Variants in SLC41A2 observed in about 807,000 individuals in gnomAD.
The protein encoded by SLC41A2 is SLC41A1-like 1.
In SLC41A2, 32 loss-of-function variants were observed where a neutral mutation model predicts 58.3. That is an observed-to-expected ratio of 0.55 (90% CI 0.41 to 0.74). The LOEUF (loss-of-function observed/expected upper bound fraction) is 0.74. Among genes scored for constraint, SLC41A2 ranks in the 30% least tolerant of loss-of-function variants. The pLI, the probability that SLC41A2 is intolerant of heterozygous loss-of-function variation, is 0.00. For synonymous variants in SLC41A2, 190 were observed against 235.0 expected, an observed-to-expected ratio of 0.81 and a Z score of 1.75; for missense variants, 514 against 680.6, an observed-to-expected ratio of 0.76 and a Z score of 2.72.
At chr12:104,883,112 G>A (rs576301324) in intron 6 of SLC41A2, among the ~76,000 whole-genome samples, 6 of 151,978 alleles carry the variant, frequency 3.9e-5, no homozygotes, top group East Asian at 1.9e-4. Context: ...TGATCAAATC[G>A]GCTACTGAAG....
At chr12:104,923,204 C>CAAAAAAAA (rs1267157553) in intron 2 of SLC41A2, among the ~76,000 whole-genome samples, 66 of 107,980 alleles carry the variant, frequency 6.1e-4, no homozygotes, top group Non-Finnish European at 9.5e-4. Context: ...CTACTAAAAG[C>CAAAAAAAA]ACAAAAAATT....
intron 3 of SLC41A2, among the ~76,000 whole-genome samples, chr12:104,897,144 C>CTTTTTTTTTTTT (rs71440558): frequency 8.3e-6 from 1 of 120,288 alleles, no homozygotes. Context: ...TTTCTTTTTT[C>CTTTTTTTTTTTT]TTTTTTTTTT....
intron 6 of SLC41A2, among the ~76,000 whole-genome samples, chr12:104,885,437 T>C (rs1032738066): frequency 1.3e-5 from 2 of 152,178 alleles, no homozygotes; most frequent in South Asian, 2.1e-4. Context: ...AAACGAAACA[T>C]GCTTTAGATT....
chr12:104,845,994 A>G lies in SLC41A2; in HGVS notation c.1256-20T>C. 6.2e-7 allele frequency: 1 copy of G among 1,608,450 alleles called. No homozygotes were observed. The highest frequency in any genetic ancestry group is 8.5e-7 in the Non-Finnish European group (1 of 1,176,874). On this transcript the variant is annotated intron_variant, in intron 8 of 10. Transcript: ENST00000258538. ...CAATACCTGAAACACAAGGAAAAACAAAGTAGCAATCCTCATATTTTAAAC... is the reference window on the plus strand; with the variant it reads ...CAATACCTGAAACACAAGGAAAAACGAAGTAGCAATCCTCATATTTTAAAC...
intron 10 of SLC41A2, among the ~76,000 whole-genome samples, chr12:104,807,759 TCTC>T: frequency 6.6e-6 from 1 of 152,340 alleles, no homozygotes; most frequent in Middle Eastern, 3.4e-3. Flanking sequence ...GGCTTGTAGT[TCTC>T]CTTGAAGAGG....
At chr12:104,913,314 T>C (rs968537168) in intron 2 of SLC41A2, among the ~76,000 whole-genome samples, 5 of 152,212 alleles carry the variant, frequency 3.3e-5, no homozygotes, top group Admixed American at 1.3e-4. Context: ...CACCCCATTA[T>C]ACCCCTTTAC....
chr12:104,951,632 T>C (rs2047960393), intron 1 of SLC41A2: 2 of 152,084 alleles, frequency 1.3e-5, no homozygotes, highest in Admixed American at 6.5e-5. Context: ...GGCAACAAAC[T>C]GACATCATTA....
chr12:104,845,964 A>G lies in SLC41A2; in HGVS notation c.1266T>C (p.Gly422=), dbSNP rs1367724808. Residue 422 remains glycine (G), a synonymous_variant, in exon 9 of 11, where the codon GGT becomes GGC. Coordinates refer to ENST00000258538, the MANE Select transcript of SLC41A2 (RefSeq NM_001352171.3). The part of the protein sequence containing the change: ...VYTPVINGIG[G]NLVAIQASRI... ...TGCTAGCCTGAATGGCCACCAAATTACCACCAATACCTGAAACACAAGGAA... is the reference window on the plus strand; with the variant it reads ...TGCTAGCCTGAATGGCCACCAAATTGCCACCAATACCTGAAACACAAGGAA... 4 of 1,612,922 alleles carry G rather than the reference A, an allele frequency of 2.5e-6. No individual in the cohort carries two copies. Among genetic ancestry groups the G allele is most frequent in the Non-Finnish European group, 8.5e-7 (1 of 1,179,386 alleles).
At chr12:104,876,940 A>G (rs1189380812) in intron 6 of SLC41A2, among the ~76,000 whole-genome samples, 3 of 152,156 alleles carry the variant, frequency 2.0e-5, no homozygotes, top group Non-Finnish European at 4.4e-5. Flanking sequence ...TTAACAATTG[A>G]TCATATATAT....
At chr12:104,877,825 C>A (rs1007616827) in intron 6 of SLC41A2, among the ~76,000 whole-genome samples, 6 of 151,936 alleles carry the variant, frequency 3.9e-5, no homozygotes, top group Non-Finnish European at 7.4e-5. Flanking sequence ...ACAGTGAAAC[C>A]CCGTCTCTAC....
chr12:104,844,500 A>G lies in SLC41A2; in HGVS notation c.1508T>C (p.Val503Ala), dbSNP rs775448833. 6.4e-7 allele frequency: 1 copy of G among 1,551,956 alleles called. No individual in the cohort carries two copies. The highest frequency in any genetic ancestry group is 8.7e-7 in the Non-Finnish European group (1 of 1,153,366). ...GHTSLTIIFIVVYLFGAVLQV... is the reference protein window; with the variant it reads ...GHTSLTIIFIAVYLFGAVLQV... ...TAACACAGCGCCAAATAAATACACT[A>G]CTATGAAGATTATAGTTAAAGAAGT... The change falls in exon 10 of 11, where the codon GTA becomes GCA. Residue 503 changes from valine (V) to alanine (A), a missense_variant. Val to Ala is a moderately conservative substitution (Grantham distance 64). Coordinates refer to ENST00000258538, the MANE Select transcript of SLC41A2 (RefSeq NM_001352171.3).
chr12:104,814,678 T>C (rs1167513988), intron 10 of SLC41A2, among the ~76,000 whole-genome samples: 3 of 152,160 alleles, frequency 2.0e-5, no homozygotes, highest in African/African-American at 7.2e-5. Flanking sequence ...ATGGACTGAT[T>C]GCCAAAATTA....
At chr12:104,818,827 A>G (rs2041518202) in intron 10 of SLC41A2, among the ~76,000 whole-genome samples, 1 of 152,198 alleles carries the variant, frequency 6.6e-6, no homozygotes, top group Non-Finnish European at 1.5e-5. Context: ...CAGTAAGCCA[A>G]GATTGTGCCA....
intron 10 of SLC41A2, among the ~76,000 whole-genome samples, chr12:104,830,555 A>G (rs945302310): frequency 6.6e-6 from 1 of 151,950 alleles, no homozygotes; most frequent in Non-Finnish European, 1.5e-5. Flanking sequence ...CTGGCTGTAT[A>G]TTACTTTGGG....
chr12:104,885,597 A>G (rs543595139), intron 6 of SLC41A2, among the ~76,000 whole-genome samples: 2 of 152,186 alleles, frequency 1.3e-5, no homozygotes, highest in Non-Finnish European at 2.9e-5. Flanking sequence ...GCATCTAAAA[A>G]TAATAAAACC....
At chr12:104,848,028 AAC>A (rs1420504052) in intron 8 of SLC41A2, among the ~76,000 whole-genome samples, 1 of 152,220 alleles carries the variant, frequency 6.6e-6, no homozygotes, top group Non-Finnish European at 1.5e-5. Flanking sequence ...ACTAGCCAAC[AAC>A]AGCAGAATAC....
At chr12:104,892,322 A>AAAT (rs1387568024) in intron 4 of SLC41A2, among the ~76,000 whole-genome samples, 4,478 of 145,844 alleles carry the variant, frequency 0.031, 397 homozygotes, top group East Asian at 0.15. Flanking sequence ...AAAATAAAAT[A>AAAT]AAATAAAATA....
intron 4 of SLC41A2, among the ~76,000 whole-genome samples, chr12:104,890,058 CT>C (rs1246546561): frequency 2.0e-5 from 3 of 152,142 alleles, no homozygotes; most frequent in Admixed American, 1.3e-4. Context: ...CTGGTAAAAA[CT>C]CTATAGAATA....
At chr12:104,949,218 CAAAT>C (rs571663148) in intron 1 of SLC41A2, among the ~76,000 whole-genome samples, 1 of 151,786 alleles carries the variant, frequency 6.6e-6, no homozygotes, top group Admixed American at 6.6e-5. Flanking sequence ...AACTCCGTCT[CAAAT>C]AAATAAATAA....
Sources: gnomAD v4.1 joint callset for allele counts (sites outside exome capture counted in the v4.1 genomes callset) on GRCh38, gnomAD v4.1.1 for gene constraint, MANE v1.5 for transcripts, NCBI Gene and HGNC (gene_info 2026-07-23, HGNC 2026-07-21) for gene names.